The following EPB41L5 variants were observed in gnomAD, a reference collection of about 807,000 sequenced individuals.
EPB41L5 encodes the protein erythrocyte membrane protein band 4.1 like 5.
In EPB41L5, 55 loss-of-function variants were observed where a neutral mutation model predicts 106.6. The ratio of observed to expected loss-of-function variants is 0.52; its 90% CI spans 0.42 to 0.65. The LOEUF (loss-of-function observed/expected upper bound fraction) is 0.65, where lower values mean the gene tolerates loss of function less well. Ranked by LOEUF, EPB41L5 falls within the 30% of genes least tolerant of loss-of-function variation. The pLI is 0.00. For missense variants in EPB41L5, 871 were observed against 882.1 expected, an observed-to-expected ratio of 0.99 and a Z score of 0.16; for synonymous variants, 297 against 306.7, an observed-to-expected ratio of 0.97 and a Z score of 0.33.
chr2:120,115,743 A>G (rs1422036687), intron 16 of EPB41L5, among the ~76,000 whole-genome samples: 1 of 151,982 alleles, frequency 6.6e-6, no homozygotes, highest in East Asian at 1.9e-4. Context: ...ATTATAATTA[A>G]CATTTTATGT....
intron 10 of EPB41L5, among the ~76,000 whole-genome samples, chr2:120,086,482 G>A (rs1683062943): frequency 1.3e-5 from 2 of 152,134 alleles, no homozygotes; most frequent in African/African-American, 4.8e-5. Flanking sequence ...CAGAGTTGAG[G>A]CTGGTTGCAG....
rs139599074 is a variant in EPB41L5 at position 120,131,599 on chromosome 2, C to CT, written c.1502-9dup. 0.02 allele frequency: 25,861 copies of CT among 1,273,462 alleles called. 936 individuals carry two copies. The highest frequency in any genetic ancestry group is 0.2 in the African/African-American group (13,649 of 68,522). The allele number at this position is 1,273,462 out of a possible 1,614,324, so 78.9% of individuals were successfully genotyped here. Reference sequence around the variant, plus strand: ...GCCTGGCAGACTGGGGTTATTTTGCCTTTTTTTTTTCTTTTCAGCATTAAA... The same window carrying CT: ...GCCTGGCAGACTGGGGTTATTTTGCCTTTTTTTTTTTCTTTTCAGCATTAAA... On this transcript the variant is annotated intron_variant, in intron 17 of 24. Transcript: ENST00000263713.
intron 1 of EPB41L5, among the ~76,000 whole-genome samples, chr2:120,015,564 G>C (rs1677459570): frequency 6.6e-6 from 1 of 152,084 alleles, no homozygotes; most frequent in Non-Finnish European, 1.5e-5. Flanking sequence ...CTCCGTGTAG[G>C]ATGAAACTCT....
At chr2:120,132,365 T>TC (rs1156562748) in intron 18 of EPB41L5, among the ~76,000 whole-genome samples, 1 of 152,214 alleles carries the variant, frequency 6.6e-6, no homozygotes, top group African/African-American at 2.4e-5. Flanking sequence ...GCCTTTTTTT[T>TC]CCCTCTACAT....
rs1339147677 is a variant in EPB41L5 at position 120,030,411 on chromosome 2, C to G, written c.180+11147C>G. On this transcript the variant is annotated intron_variant, in intron 2 of 24. Coordinates refer to ENST00000263713, the MANE Select transcript of EPB41L5 (RefSeq NM_020909.4). ...ACTGGATGGATCAGCTGAGATCACC[C>G]AGATCGGTAATCTGGCTCAACCAGT... is the stretch of plus-strand genomic sequence containing the variant. Among the ~76,000 whole-genome samples, 6 of 152,308 alleles carry G rather than the reference C, an allele frequency of 3.9e-5. No individual in the cohort carries two copies. In the East Asian group the frequency reaches 1.2e-3, roughly 29 times the overall value.
At chr2:120,167,637 C>T in intron 23 of EPB41L5, 130 bp downstream of exon 23, 1 of 1,082,200 alleles carries the variant, frequency 9.2e-7, no homozygotes. Flanking sequence ...CTGAACTTAA[C>T]TTAATGGCTT....
chr2:120,130,161 A>AG (rs397870013), intron 17 of EPB41L5, among the ~76,000 whole-genome samples: 1 of 151,094 alleles, frequency 6.6e-6, no homozygotes, highest in South Asian at 2.1e-4. Flanking sequence ...AAAAAAAAAA[A>AG]GGGTTCCTAA....
chr2:120,099,697 A>G (rs758933476), intron 14 of EPB41L5, among the ~76,000 whole-genome samples: 12 of 152,178 alleles, frequency 7.9e-5, no homozygotes, highest in Non-Finnish European at 1.6e-4. Flanking sequence ...AAGTGCTGGG[A>G]TTACAGGCGT....
chr2:120,174,481 G>GAGC (rs1049937429), intron 24 of EPB41L5, among the ~76,000 whole-genome samples: 1 of 151,698 alleles, frequency 6.6e-6, no homozygotes, highest in East Asian at 1.9e-4. Context: ...AAAAAAAAAG[G>GAGC]AGCAGCAGCA....
At chr2:120,079,653 C>G (rs765683427) in intron 10 of EPB41L5, among the ~76,000 whole-genome samples, 2 of 152,198 alleles carry the variant, frequency 1.3e-5, no homozygotes, top group Non-Finnish European at 2.9e-5. Context: ...GAACTCACAA[C>G]TGGTATTACA....
At chr2:120,121,369 G>A (rs1473638117) in intron 16 of EPB41L5, among the ~76,000 whole-genome samples, 1 of 151,970 alleles carries the variant, frequency 6.6e-6, no homozygotes, top group Non-Finnish European at 1.5e-5. Flanking sequence ...CCTCCCGACA[G>A]GCCCCAGTGT....
chr2:120,133,979 A>G (rs994826965), intron 18 of EPB41L5, among the ~76,000 whole-genome samples: 12 of 152,248 alleles, frequency 7.9e-5, no homozygotes, highest in South Asian at 2.1e-4. Context: ...CCACCTCCCA[A>G]TGACATTTCT....
chr2:120,019,385 A>C lies in EPB41L5; in HGVS notation c.180+121A>C, dbSNP rs963984767. 3 of 819,732 alleles carry C rather than the reference A, an allele frequency of 3.7e-6. No homozygotes were observed. The African/African-American group carries it at 6.0e-5, about 16-fold the overall frequency. The allele number at this position is 819,732 out of a possible 1,614,324, so 50.8% of individuals were successfully genotyped here. ...AAGTAAAGGTATTATGGGTTAGTAT[A>C]GATCAGGCACTGTAACATTCAGGTA... is the stretch of plus-strand genomic sequence containing the variant. On this transcript the variant is annotated intron_variant, in intron 2 of 24. Transcript: ENST00000263713.
chr2:120,179,052 G>A lies in EPB41L5; in HGVS notation c.*4145G>A, dbSNP rs1203020983. ...ACTTGTATTAGAAACACTGCACTGA[G>A]TTGTTTGTACACTGAAATGAGAACT... On this transcript the variant is annotated 3_prime_UTR_variant, in exon 25 of 25. Transcript: ENST00000263713. The A allele has an allele frequency of 6.6e-6, 1 of 152,168 alleles. No individual in the cohort carries two copies. The highest frequency in any genetic ancestry group is 1.5e-5 in the Non-Finnish European group (1 of 68,016). 9.4% of individuals were successfully genotyped at this position (152,168 alleles called of 1,614,324 possible). A position where few individuals can be genotyped will look rare whatever the true frequency, so the allele number is the denominator to read the frequency against.
intron 16 of EPB41L5, chr2:120,108,609 G>A (rs1478961579): frequency 1.3e-5 from 2 of 152,278 alleles, no homozygotes; most frequent in Non-Finnish European, 2.9e-5. Flanking sequence ...GAACTAGTTA[G>A]AGGAGTATTC....
chr2:120,108,935 G>A (rs1684596613), intron 16 of EPB41L5, among the ~76,000 whole-genome samples: 1 of 152,160 alleles, frequency 6.6e-6, no homozygotes, highest in Admixed American at 6.5e-5. Flanking sequence ...TATTTGAGTA[G>A]TAAAGGCATT....
rs1320370228 is a variant in EPB41L5 at position 120,178,517 on chromosome 2, G to A, written c.*3610G>A. ...CATGCCCTTGACCATGTGGTTGCTTGGAGACCTGGGGTCTTCTGCAGACTG... is the reference window on the plus strand; with the variant it reads ...CATGCCCTTGACCATGTGGTTGCTTAGAGACCTGGGGTCTTCTGCAGACTG... On this transcript the variant is annotated 3_prime_UTR_variant, in exon 25 of 25. Coordinates refer to ENST00000263713, the MANE Select transcript of EPB41L5 (RefSeq NM_020909.4). The A allele has an allele frequency of 6.6e-6, 1 of 152,172 alleles. No individual in the cohort carries two copies. The highest frequency in any genetic ancestry group is 1.9e-4 in the East Asian group (1 of 5,200). The allele number at this position is 152,172 out of a possible 1,614,324, so 9.4% of individuals were successfully genotyped here.
At chr2:120,108,471 TAC>T (rs1684577812) in intron 16 of EPB41L5, 1 of 152,182 alleles carries the variant, frequency 6.6e-6, no homozygotes, top group African/African-American at 2.4e-5. Flanking sequence ...AGCTCGCATC[TAC>T]AGACATGACT....
intron 16 of EPB41L5, chr2:120,104,567 C>G (rs769462547): frequency 3.9e-5 from 39 of 1,004,484 alleles, no homozygotes; most frequent in Non-Finnish European, 4.5e-5. Context: ...AACAAGGTGC[C>G]CATTATTCCC....
Sources: allele counts gnomAD v4.1 joint callset (sites outside exome capture counted in the v4.1 genomes callset), GRCh38; gene constraint gnomAD v4.1.1; transcripts MANE v1.5; gene names NCBI Gene and HGNC (gene_info 2026-07-23, HGNC 2026-07-21).